Variants in ZPBP observed in about 807,000 individuals in gnomAD.
ZPBP encodes zona pellucida-binding protein 1.
In ZPBP, 26 loss-of-function variants were observed where a neutral mutation model predicts 44.8. The ratio of observed to expected loss-of-function variants is 0.58; its 90% CI spans 0.43 to 0.81. The LOEUF (loss-of-function observed/expected upper bound fraction) is 0.81. ZPBP is among the 30% of genes least tolerant of loss of function. The pLI, the probability that ZPBP is intolerant of heterozygous loss-of-function variation, is 0.00. For synonymous variants in ZPBP, 174 were observed against 153.2 expected (o/e 1.14, Z -1.00); for missense variants, 409 against 434.0 (o/e 0.94, Z 0.51).
chr7:50,083,767 G>C (rs769585870), intron 2 of ZPBP, among the ~76,000 whole-genome samples: 4 of 151,834 alleles, frequency 2.6e-5, no homozygotes, highest in Non-Finnish European at 5.9e-5. Context: ...ATAGTTAAAA[G>C]TTATCTCAAA....
At chr7:50,068,573 A>G (rs73340150) in intron 3 of ZPBP, among the ~76,000 whole-genome samples, 7,159 of 151,942 alleles carry the variant, frequency 0.047, 187 homozygotes, top group African/African-American at 0.067. Context: ...CTGCGTTCAC[A>G]CCTGCGTTCA....
intron 3 of ZPBP, among the ~76,000 whole-genome samples, chr7:50,066,672 T>C (rs1801518150): frequency 6.6e-6 from 1 of 152,242 alleles, no homozygotes; most frequent in Non-Finnish European, 1.5e-5. Context: ...ATAACTAGGC[T>C]TATACATTGT....
chr7:49,917,983 A>G (rs1041366522), intron 1 of ZPBP: 8 of 152,204 alleles, frequency 5.3e-5, no homozygotes, highest in Non-Finnish European at 2.9e-5. Context: ...AGTGAAAAGT[A>G]TCCAGTAAGT....
chr7:50,069,665 T>A (rs1370315831), intron 3 of ZPBP, among the ~76,000 whole-genome samples: 1 of 152,150 alleles, frequency 6.6e-6, no homozygotes, highest in Non-Finnish European at 1.5e-5. Context: ...TTTTTTAAAT[T>A]CTTTATCATG....
intron 2 of ZPBP, among the ~76,000 whole-genome samples, chr7:49,898,313 G>GTT (rs540380787): frequency 3.4e-5 from 5 of 146,994 alleles, no homozygotes; most frequent in Admixed American, 2.7e-4. Flanking sequence ...AAACATCGAA[G>GTT]TTTTTTTTTT....
At chr7:50,012,688 T>G (rs541761093) in intron 6 of ZPBP, among the ~76,000 whole-genome samples, 128 of 148,590 alleles carry the variant, frequency 8.6e-4, no homozygotes, top group Non-Finnish European at 1.5e-3. Flanking sequence ...AACCTAGAGT[T>G]TGCATCATAC....
intron 4 of ZPBP, 127 bp from the exon 5 acceptor site, chr7:50,031,437 T>C: frequency 1.3e-6 from 1 of 747,882 alleles, no homozygotes; most frequent in Non-Finnish European, 2.1e-6. Flanking sequence ...TATAATTATA[T>C]TTATTTTTAG....
At chr7:50,039,728 T>C (rs1799978489) in intron 4 of ZPBP, among the ~76,000 whole-genome samples, 1 of 152,116 alleles carries the variant, frequency 6.6e-6, no homozygotes, top group East Asian at 1.9e-4. Context: ...AACCTATAAA[T>C]ATATACTTCC....
intron 4 of ZPBP, among the ~76,000 whole-genome samples, chr7:50,056,981 C>T (rs1490238647): frequency 2.6e-5 from 4 of 151,932 alleles, no homozygotes; most frequent in East Asian, 3.9e-4. Flanking sequence ...GTCAGGAAAT[C>T]GAGACCATCC....
At chr7:49,886,078 G>A (rs1263982365) in intron 2 of ZPBP, among the ~76,000 whole-genome samples, 1 of 152,216 alleles carries the variant, frequency 6.6e-6, no homozygotes, top group Non-Finnish European at 1.5e-5. Context: ...TAGGGGAGAG[G>A]TCCAGACTGG....
intron 2 of ZPBP, among the ~76,000 whole-genome samples, chr7:49,864,507 T>C (rs987790837): frequency 6.6e-6 from 1 of 152,188 alleles, no homozygotes; most frequent in African/African-American, 2.4e-5. Flanking sequence ...GGAAGCTCTT[T>C]CTGGGCTCTT....
At chr7:49,895,412 T>G (rs891154504) in intron 2 of ZPBP, among the ~76,000 whole-genome samples, 10 of 152,156 alleles carry the variant, frequency 6.6e-5, no homozygotes, top group African/African-American at 2.2e-4. Context: ...TCAGCACCAG[T>G]GAGCAGGGTG....
chr7:49,853,765 G>A (rs1562732844), intron 2 of ZPBP, among the ~76,000 whole-genome samples: 1 of 151,888 alleles, frequency 6.6e-6, no homozygotes, highest in Non-Finnish European at 1.5e-5. Context: ...TGCACAACGT[G>A]CAGGTTTGTT....
At chr7:50,072,236 T>C (rs1485965673) in intron 3 of ZPBP, among the ~76,000 whole-genome samples, 7 of 152,104 alleles carry the variant, frequency 4.6e-5, no homozygotes, top group Non-Finnish European at 1.5e-5. Context: ...CTGGGGGTGG[T>C]GGTGGCTATC....
chr7:49,961,955 T>C (rs141448399), intron 7 of ZPBP, among the ~76,000 whole-genome samples: 10 of 152,186 alleles, frequency 6.6e-5, no homozygotes, highest in African/African-American at 2.4e-4. Context: ...GTTTGAAACA[T>C]AATATTTATA....
At chr7:49,922,282 T>C (rs978596402) in intron 1 of ZPBP, among the ~76,000 whole-genome samples, 5 of 152,338 alleles carry the variant, frequency 3.3e-5, no homozygotes, top group African/African-American at 1.2e-4. Context: ...TCGAGAAATA[T>C]GGACTAACAG....
At chr7:49,933,450 G>A (rs1794515372), downstream of ZPBP, among the ~76,000 whole-genome samples, 1 of 152,178 alleles carries the variant, frequency 6.6e-6, no homozygotes, top group Non-Finnish European at 1.5e-5. Flanking sequence ...TTACACTGTT[G>A]GTGGGACTGT....
chr7:49,895,693 T>C (rs1792353005), intron 2 of ZPBP, among the ~76,000 whole-genome samples: 1 of 151,168 alleles, frequency 6.6e-6, no homozygotes, highest in Admixed American at 6.6e-5. Flanking sequence ...ATAGTCTCTC[T>C]GAGTCTCATT....
chr7:50,081,859 C>G lies in ZPBP; in HGVS notation c.249G>C (p.Val83=). 1.2e-6 allele frequency: 2 copies of G among 1,611,376 alleles called. No individual in the cohort carries two copies. Among genetic ancestry groups the G allele is most frequent in the Non-Finnish European group, 1.7e-6 (2 of 1,178,152 alleles). Reference sequence around the variant, plus strand: ...TTCGCAGTTGTTGCGTTACACATAACACGTGTGGACTCTTTTGATGGAGCA... The same window carrying G: ...TTCGCAGTTGTTGCGTTACACATAAGACGTGTGGACTCTTTTGATGGAGCA... ...YVMLHQKSPH[V]LCVTQQLRNA... The change falls in exon 3 of 8, where the codon GTG becomes GTC. Residue 83 remains valine, a synonymous_variant. Coordinates refer to ENST00000046087, the MANE Select transcript of ZPBP (RefSeq NM_007009.3).
Sources: allele counts gnomAD v4.1 joint callset (sites outside exome capture counted in the v4.1 genomes callset), GRCh38; gene constraint gnomAD v4.1.1; transcripts MANE v1.5; gene names NCBI Gene and HGNC (gene_info 2026-07-23, HGNC 2026-07-21).